SAR1B: variants seen among roughly 807,000 people sequenced by gnomAD.
SAR1B encodes the protein secretion associated Ras related GTPase 1B, also known as small COPII coat GTPase SAR1B.
In SAR1B, 23 loss-of-function variants were observed where a neutral mutation model predicts 26.8. The observed-to-expected ratio is 0.86, with a 90% CI of 0.62 to 1.22. The LOEUF is 1.22. SAR1B is among the 50% of genes most tolerant of loss of function. The pLI is 0.00. For synonymous variants in SAR1B, 65 were observed against 80.8 expected (o/e 0.80, Z 1.05); for missense variants, 196 against 232.8 (o/e 0.84, Z 1.03).
At position 134,607,129 on chromosome 5, in the gene SAR1B, C is replaced by A. The variant is rs541633464; in HGVS notation, c.481-63G>T. On this transcript the variant is annotated intron_variant, in intron 6 of 6. Transcript: ENST00000402673. The stretch of plus-strand genomic sequence containing the variant: ...AAATTAATAAAGCCCCACATCCCAG[C>A]AGAATTATAGGTTCTATTTTAGAAC... 1.0e-4 allele frequency: 101 copies of A among 1,004,420 alleles called. No individual in the cohort carries two copies. The African/African-American group carries it at 1.4e-3, about 14-fold the overall frequency. The allele number at this position is 1,004,420 out of a possible 1,614,324, so 62.2% of individuals were successfully genotyped here.
chr5:134,629,724 CA>C (rs996356089), intron 1 of SAR1B, among the ~76,000 whole-genome samples: 3 of 142,590 alleles, frequency 2.1e-5, no homozygotes, highest in African/African-American at 5.2e-5. Context: ...AACAAACAAA[CA>C]AAAAAAAACA....
At chr5:134,628,518 A>G (rs886565811) in intron 1 of SAR1B, among the ~76,000 whole-genome samples, 2 of 152,148 alleles carry the variant, frequency 1.3e-5, no homozygotes, top group African/African-American at 4.8e-5. Flanking sequence ...TAACTGTCCT[A>G]GAATACAAAT....
At position 134,602,966 on chromosome 5, in the gene SAR1B, T is replaced by C. The variant is rs1450672212; in HGVS notation, c.*3984A>G. The stretch of plus-strand genomic sequence containing the variant: ...AGCACACTGTTTTTCTAAACTCTTA[T>C]ATTTATAGCAAAGCCTCTGGCTTTT... On this transcript the variant is annotated 3_prime_UTR_variant, in exon 7 of 7. Transcript: ENST00000402673. 6.6e-6 allele frequency: 1 copy of C among 152,262 alleles called. No individual in the cohort carries two copies. Among genetic ancestry groups the C allele is most frequent in the Non-Finnish European group, 1.5e-5 (1 of 68,046 alleles). 9.4% of individuals were successfully genotyped at this position (152,262 alleles called of 1,614,324 possible).
In SAR1B at chr5:134,603,667, T is replaced by C. The variant is rs7712535; in HGVS notation, c.*3283A>G. 0.16 allele frequency: 23,837 copies of C among 151,896 alleles called. 2,036 individuals are homozygous for C. Among genetic ancestry groups the C allele is most frequent in the East Asian group, 0.32 (1,629 of 5,162 alleles). 9.4% of individuals were successfully genotyped at this position (151,896 alleles called of 1,614,324 possible). A position where few individuals can be genotyped will look rare whatever the true frequency, so the allele number is the denominator to read the frequency against. On this transcript the variant is annotated 3_prime_UTR_variant, in exon 7 of 7. Transcript: ENST00000402673. The stretch of plus-strand genomic sequence containing the variant: ...TACAAAAATTAGCCGGGCATGGTGG[T>C]GCGCGCCTGTAGTCCCAGCTACTCA...
intron 5 of SAR1B, chr5:134,609,132 A>G (rs1215331896): frequency 2.2e-6 from 1 of 456,828 alleles, no homozygotes; most frequent in Non-Finnish European, 4.4e-6. Flanking sequence ...AAAATATCTG[A>G]CCTGGGATAC....
In SAR1B at chr5:134,606,601, A is replaced by T; in HGVS notation, c.*349T>A. On this transcript the variant is annotated 3_prime_UTR_variant, in exon 7 of 7. Coordinates refer to ENST00000402673, the MANE Select transcript of SAR1B (RefSeq NM_016103.4). Reference sequence around the variant, plus strand: ...CTAGTTCCAGAAAAGTACATAAAAAATTTAACATGATGAGCTTTTAAATAT... The same window carrying T: ...CTAGTTCCAGAAAAGTACATAAAAATTTTAACATGATGAGCTTTTAAATAT... 1 of 239,564 alleles carries T rather than the reference A, an allele frequency of 4.2e-6. No individual in the cohort carries two copies. The highest frequency in any genetic ancestry group is 8.4e-6 in the Non-Finnish European group (1 of 118,914). The allele number at this position is 239,564 out of a possible 1,614,324, so 14.8% of individuals were successfully genotyped here. A position where few individuals can be genotyped will look rare whatever the true frequency, so the allele number is the denominator to read the frequency against.
rs1765313376 is a variant in SAR1B, at chr5:134,616,164, C to A, written c.179-3408G>T. ...AAAAAAAAAAAAAGGGCAGGGCACA[C>A]GGTGGCTCATGCCTGTAATCCCAGC... On this transcript the variant is annotated intron_variant, in intron 3 of 6. Coordinates refer to ENST00000402673, the MANE Select transcript of SAR1B (RefSeq NM_016103.4). Among the ~76,000 whole-genome samples the A allele has an allele frequency of 1.4e-5, 2 of 147,112 alleles. 1 individual carries two copies. The highest frequency in any genetic ancestry group is 4.3e-4 in the South Asian group (2 of 4,638).
At chr5:134,621,941 T>C (rs1418463335) in intron 2 of SAR1B, among the ~76,000 whole-genome samples, 2 of 152,188 alleles carry the variant, frequency 1.3e-5, no homozygotes, top group African/African-American at 4.8e-5. Context: ...TTTCACCATG[T>C]TGGCCAGGCT....
chr5:134,613,382 C>A (rs1469801192), intron 3 of SAR1B: 1 of 152,236 alleles, frequency 6.6e-6, no homozygotes, highest in Non-Finnish European at 1.5e-5. Flanking sequence ...CACCAGGGAA[C>A]AAGCATTTCT....
At chr5:134,608,545 A>C in intron 5 of SAR1B, 42 bp from the exon 6 acceptor site, 2 of 1,592,970 alleles carry the variant, frequency 1.3e-6, no homozygotes, top group Non-Finnish European at 1.7e-6. Flanking sequence ...TTGATATGAA[A>C]CCATCCAAAG....
rs1369471910 is a variant in SAR1B at position 134,602,725 on chromosome 5, A to G, written c.*4225T>C. ...AAACCCTGTCTCTACTAAAAATACA[A>G]AAATTAACTGGGCATGGTGTGGTGC... On this transcript the variant is annotated 3_prime_UTR_variant, in exon 7 of 7. Transcript: ENST00000402673. The G allele has an allele frequency of 1.3e-5, 2 of 152,140 alleles. No homozygotes were observed. Among genetic ancestry groups the G allele is most frequent in the Non-Finnish European group, 1.5e-5 (1 of 68,038 alleles). The allele number at this position is 152,140 out of a possible 1,614,324, so 9.4% of individuals were successfully genotyped here. A position where few individuals can be genotyped will look rare whatever the true frequency, so the allele number is the denominator to read the frequency against.
In SAR1B at chr5:134,627,343, G is replaced by A. The variant is rs1580657194; in HGVS notation, c.-18-3306C>T. On this transcript the variant is annotated intron_variant, in intron 1 of 6. Coordinates refer to ENST00000402673, the MANE Select transcript of SAR1B (RefSeq NM_016103.4). ...TGGGATTACAGGCGTGAGCCACCGCGCCCCGCCACTTTTTATTTTTTTGAC... is the reference window on the plus strand; with the variant it reads ...TGGGATTACAGGCGTGAGCCACCGCACCCCGCCACTTTTTATTTTTTTGAC... 9.3e-5 allele frequency among the ~76,000 whole-genome samples: 14 copies of A among 150,444 alleles called. No homozygotes were observed. In the South Asian group the frequency reaches 2.8e-3, roughly 30 times the overall value.
At chr5:134,621,287 C>T (rs930687248) in intron 2 of SAR1B, among the ~76,000 whole-genome samples, 3 of 152,012 alleles carry the variant, frequency 2.0e-5, no homozygotes, top group African/African-American at 7.2e-5. Flanking sequence ...CTGGCCAACA[C>T]GGTGAAACCC....
In SAR1B at chr5:134,601,308, A is replaced by G. The variant is rs1765029325; in HGVS notation, c.*5642T>C. The stretch of plus-strand genomic sequence containing the variant: ...TTTGTTGTAAAACACACAAAGTTAA[A>G]CAGAAACATCTTTATATAAATTATC... On this transcript the variant is annotated 3_prime_UTR_variant, in exon 7 of 7. Coordinates refer to ENST00000402673, the MANE Select transcript of SAR1B (RefSeq NM_016103.4). The G allele has an allele frequency of 1.3e-5, 2 of 152,244 alleles. No homozygotes were observed. The highest frequency in any genetic ancestry group is 4.8e-5 in the African/African-American group (2 of 41,478). 9.4% of individuals were successfully genotyped at this position (152,244 alleles called of 1,614,324 possible).
chr5:134,613,936 G>C (rs1279891845), intron 3 of SAR1B: 1 of 152,094 alleles, frequency 6.6e-6, no homozygotes, highest in African/African-American at 2.4e-5. Context: ...AGTTTCTGTT[G>C]CATTGAGTTA....
At position 134,602,660 on chromosome 5, in the gene SAR1B, C is replaced by T. The variant is rs2150047528; in HGVS notation, c.*4290G>A. ...TTGGGAGGCCGAGGCGAGTGGATCA[C>T]TTAAGATCAGGAGCTCGAGACCAGC... On this transcript the variant is annotated 3_prime_UTR_variant, in exon 7 of 7. Transcript: ENST00000402673. 1 of 152,308 alleles carries T rather than the reference C, an allele frequency of 6.6e-6. No homozygotes were observed. The highest frequency in any genetic ancestry group is 2.1e-4 in the South Asian group (1 of 4,814). The allele number at this position is 152,308 out of a possible 1,614,324, so 9.4% of individuals were successfully genotyped here.
At chr5:134,621,138 A>C in intron 2 of SAR1B, 86 bp from the exon 3 acceptor site, 1 of 1,421,418 alleles carries the variant, frequency 7.0e-7, no homozygotes, top group African/African-American at 1.4e-5. Context: ...TTAAGCTTGA[A>C]GTTCTAAACC....
In SAR1B at chr5:134,606,249, T is replaced by C. The variant is rs148319668; in HGVS notation, c.*701A>G. 2.0e-5 allele frequency: 3 copies of C among 153,256 alleles called. No homozygotes were observed. Among genetic ancestry groups the C allele is most frequent in the Non-Finnish European group, 4.4e-5 (3 of 68,712 alleles). 9.5% of individuals were successfully genotyped at this position (153,256 alleles called of 1,614,324 possible). A position where few individuals can be genotyped will look rare whatever the true frequency, so the allele number is the denominator to read the frequency against. On this transcript the variant is annotated 3_prime_UTR_variant, in exon 7 of 7. Coordinates refer to ENST00000402673, the MANE Select transcript of SAR1B (RefSeq NM_016103.4). ...AGGGATACATGGTATCAGGTGCAAC[T>C]GACCACAACCATCTCATGGTAAATA...
intron 1 of SAR1B, among the ~76,000 whole-genome samples, chr5:134,627,801 A>AAATAAATAAAT (rs1765520467): frequency 3.7e-5 from 5 of 134,454 alleles, no homozygotes; most frequent in African/African-American, 1.4e-4. Context: ...TCCATCCCAA[A>AAATAAATAAAT]AAATAAATAA....
Sources: allele counts gnomAD v4.1 joint callset (sites outside exome capture counted in the v4.1 genomes callset), GRCh38; gene constraint gnomAD v4.1.1; transcripts MANE v1.5; gene names NCBI Gene and HGNC (gene_info 2026-07-23, HGNC 2026-07-21).